CFAP251: variants seen among roughly 807,000 people sequenced by gnomAD.
CFAP251 encodes the protein cilia- and flagella-associated protein 251.
In CFAP251, 93 loss-of-function variants were observed where a neutral mutation model predicts 126.7. That is an observed-to-expected ratio of 0.73 (90% confidence interval 0.62 to 0.87). CFAP251 has a LOEUF of 0.87. CFAP251 is among the 40% of genes least tolerant of loss of function. The probability of loss-of-function intolerance (pLI) is 0.00; values close to 1 mark genes in which losing one functional copy is unlikely to be tolerated. For synonymous variants in CFAP251, 503 were observed against 506.9 expected, an observed-to-expected ratio of 0.99 and a Z score of 0.10; for missense variants, 1,287 against 1,389.2, an observed-to-expected ratio of 0.93 and a Z score of 1.17.
intron 19 of CFAP251, among the ~76,000 whole-genome samples, chr12:121,993,692 G>A (rs1270846983): frequency 2.8e-5 from 4 of 142,550 alleles, no homozygotes; most frequent in East Asian, 2.3e-4. Flanking sequence ...GTCTCTGCCC[G>A]GCCGCCCCGT....
chr12:121,989,562 C>T lies in CFAP251; in HGVS notation c.3007-10154C>T, dbSNP rs1882827289. ...CAGTGACGCTGCCCAGCCCTTACGC[C>T]CCCTCCTCAGCCCACTACTCCCTGC... On this transcript the variant is annotated intron_variant, in intron 19 of 21. Coordinates refer to ENST00000288912, the MANE Select transcript of CFAP251 (RefSeq NM_144668.6). The surrounding 1 kb of genome is among the most constrained non-coding windows in gnomAD (Gnocchi z 4.2). Among the ~76,000 whole-genome samples the T allele has an allele frequency of 1.3e-5, 2 of 152,222 alleles. No individual in the cohort carries two copies. The highest frequency in any genetic ancestry group is 2.1e-4 in the South Asian group (1 of 4,838).
chr12:121,960,978 C>T (rs1881912779), intron 14 of CFAP251, among the ~76,000 whole-genome samples: 2 of 152,202 alleles, frequency 1.3e-5, no homozygotes, highest in Non-Finnish European at 2.9e-5. Flanking sequence ...GCTTCCCGGG[C>T]AGCAACAAGT....
At position 121,992,500 on chromosome 12, in the gene CFAP251, A is replaced by C. The variant is rs946751697; in HGVS notation, c.3007-7216A>C. On this transcript the variant is annotated intron_variant, in intron 19 of 21. Coordinates refer to ENST00000288912, the MANE Select transcript of CFAP251 (RefSeq NM_144668.6). ...CCTTATGAATTCCTTTTGTCGTCTT[A>C]GTCTCCTGTTCTGAACTGAGTTAAA... The C allele has an allele frequency of 9.1e-6, 9 of 985,156 alleles. No individual in the cohort carries two copies. In the East Asian group the frequency reaches 6.8e-4, roughly 74 times the overall value. The allele number at this position is 985,156 out of a possible 1,614,324, so 61.0% of individuals were successfully genotyped here. A position where few individuals can be genotyped will look rare whatever the true frequency, so the allele number is the denominator to read the frequency against.
rs145409940 is a variant in CFAP251 at position 121,972,143 on chromosome 12, G to A, written c.2772-3101G>A. 1,056 of 159,010 alleles carry A rather than the reference G, an allele frequency of 6.6e-3. 9 individuals are homozygous for A. The highest frequency in any genetic ancestry group is 0.011 in the Non-Finnish European group (816 of 72,626). The allele number at this position is 159,010 out of a possible 1,614,324, so 9.8% of individuals were successfully genotyped here. On this transcript the variant is annotated intron_variant, in intron 17 of 21. Transcript: ENST00000288912. ...TATAGTACATTGGTACCAGTAGAAT[G>A]GGGCACTGCTGAAAAGATATCTGAA... is the stretch of plus-strand genomic sequence containing the variant.
intron 3 of CFAP251, 68 bp from the exon 4 acceptor site, chr12:121,931,678 G>A (rs1880696684): frequency 1.4e-6 from 2 of 1,383,870 alleles, no homozygotes; most frequent in Admixed American, 3.0e-5. Context: ...CCTCCGGCGA[G>A]TTCCTGGAGC....
intron 10 of CFAP251, among the ~76,000 whole-genome samples, chr12:121,954,665 A>AAAAAAAAAAAC (rs1310700870): frequency 6.7e-6 from 1 of 148,440 alleles, no homozygotes. Flanking sequence ...AAAAAAAAAA[A>AAAAAAAAAAAC]AAACCTCTTT....
At chr12:121,928,636 ACGT>A (rs1880519836) in intron 3 of CFAP251, among the ~76,000 whole-genome samples, 1 of 107,304 alleles carries the variant, frequency 9.3e-6, no homozygotes, top group Non-Finnish European at 1.6e-5. Context: ...GTATATATAT[ACGT>A]ATATATATAT....
chr12:121,919,432 C>T (rs1284523191), intron 1 of CFAP251, among the ~76,000 whole-genome samples: 2 of 152,096 alleles, frequency 1.3e-5, no homozygotes, highest in Non-Finnish European at 2.9e-5. Flanking sequence ...CATTTCTTTG[C>T]ACATTAGGGT....
At chr12:121,963,783 C>G (rs544155341) in intron 15 of CFAP251, among the ~76,000 whole-genome samples, 107 of 151,352 alleles carry the variant, frequency 7.1e-4, no homozygotes, top group Non-Finnish European at 1.3e-3. Context: ...TGTGACTTGT[C>G]CAAGGTCAAA....
rs750789869 is a variant in CFAP251 at position 121,967,118 on chromosome 12, G to A, written c.2607+49G>A. On this transcript the variant is annotated intron_variant, in intron 16 of 21. Coordinates refer to ENST00000288912, the MANE Select transcript of CFAP251 (RefSeq NM_144668.6). Reference sequence around the variant, plus strand: ...TCTGGGAGTTGACTCTGTGTGTCATGAGCAGCAGTCATTACTGAAGATCAC... The same window carrying A: ...TCTGGGAGTTGACTCTGTGTGTCATAAGCAGCAGTCATTACTGAAGATCAC... The A allele has an allele frequency of 4.6e-6, 7 of 1,529,244 alleles. No individual in the cohort carries two copies. In the African/African-American group the frequency reaches 9.6e-5, roughly 21 times the overall value. The allele number at this position is 1,529,244 out of a possible 1,614,324, so 94.7% of individuals were successfully genotyped here. A position where few individuals can be genotyped will look rare whatever the true frequency, so the allele number is the denominator to read the frequency against.
rs1881898058 is a variant in CFAP251, at chr12:121,960,576, C to T, written c.2134-9C>T. ...ATGGGATAACTCCTTCTCTTTTGCT[C>T]ATCTTCAGGATAGAAGTTTTACTGT... On this transcript the variant is annotated splice_polypyrimidine_tract_variant and intron_variant, in intron 13 of 21. Coordinates refer to ENST00000288912, the MANE Select transcript of CFAP251 (RefSeq NM_144668.6). 1 of 1,613,690 alleles carries T rather than the reference C, an allele frequency of 6.2e-7. No individual in the cohort carries two copies. Among genetic ancestry groups the T allele is most frequent in the Non-Finnish European group, 8.5e-7 (1 of 1,179,778 alleles).
chr12:121,923,555 T>C, intron 2 of CFAP251, 67 bp from the exon 3 acceptor site: 1 of 1,524,046 alleles, frequency 6.6e-7, no homozygotes, highest in African/African-American at 1.4e-5. Flanking sequence ...TGACTGGGAA[T>C]AGAAAAGGTG....
chr12:121,918,955 G>T lies in CFAP251; in HGVS notation c.-21+260G>T, dbSNP rs969719612. Among the ~76,000 whole-genome samples, 1 of 152,128 alleles carries T rather than the reference G, an allele frequency of 6.6e-6. No homozygotes were observed. Among genetic ancestry groups the T allele is most frequent in the Non-Finnish European group, 1.5e-5 (1 of 68,020 alleles). The stretch of plus-strand genomic sequence containing the variant: ...TGTCCAGACGCGCCGGCGAAGTTGG[G>T]CTCAGTCAAAAGAGGCTCGGTGGTG... On this transcript the variant is annotated intron_variant, in intron 1 of 21. Transcript: ENST00000288912. This position sits in a 1 kb window ranked among gnomAD's most constrained non-coding sequence, Gnocchi z 4.3.
intron 13 of CFAP251, 98 bp from the exon 14 acceptor site, chr12:121,960,487 G>C: frequency 7.3e-7 from 1 of 1,367,968 alleles, no homozygotes; most frequent in Non-Finnish European, 1.0e-6. Flanking sequence ...CAAAGTGCTG[G>C]GATTACAGGC....
At chr12:121,964,028 C>A (rs1281663204) in intron 15 of CFAP251, among the ~76,000 whole-genome samples, 2 of 152,096 alleles carry the variant, frequency 1.3e-5, no homozygotes, top group Admixed American at 6.5e-5. Context: ...ACTGCCACCA[C>A]CACCAGGAGA....
rs746010935 is a variant in CFAP251, at chr12:121,960,628, A to G, written c.2177A>G (p.Asn726Ser). The G allele has an allele frequency of 6.8e-6, 11 of 1,614,152 alleles. No homozygotes were observed. Among genetic ancestry groups the G allele is most frequent in the South Asian group, 4.4e-5 (4 of 91,074 alleles). Residue 726 changes from asparagine (N) to serine (S), a missense_variant, in exon 14 of 22, where the codon AAT becomes AGT. Physicochemically the swap from Asn to Ser is conservative, Grantham distance 46 (BLOSUM62 1). Coordinates refer to ENST00000288912, the MANE Select transcript of CFAP251 (RefSeq NM_144668.6). ...TVAVYMLVVR[N>S]GQRVWEYLAR... ...GCTGTTTACATGCTGGTGGTCAGAA[A>G]TGGACAGAGGGTCTGGGAGTACTTA...
At chr12:121,966,423 G>T (rs12829688) in intron 15 of CFAP251, among the ~76,000 whole-genome samples, 42,789 of 112,030 alleles carry the variant, frequency 0.38, 9,605 homozygotes, top group Non-Finnish European at 0.53. Context: ...ACTATGCCTG[G>T]CTAATTTTTT....
intron 5 of CFAP251, among the ~76,000 whole-genome samples, chr12:121,939,029 G>GCA (rs1415378499): frequency 6.6e-5 from 10 of 151,916 alleles, no homozygotes; most frequent in Non-Finnish European, 1.0e-4. Context: ...TTCATGGAAA[G>GCA]CACTGGCTGC....
At chr12:121,937,761 G>A (rs1880949123) in intron 5 of CFAP251, among the ~76,000 whole-genome samples, 1 of 152,070 alleles carries the variant, frequency 6.6e-6, no homozygotes, top group African/African-American at 2.4e-5. Flanking sequence ...TGACCTCCAG[G>A]GGATCTCATT....
Sources: allele counts gnomAD v4.1 joint callset (sites outside exome capture counted in the v4.1 genomes callset), GRCh38; gene constraint gnomAD v4.1.1; non-coding constraint Gnocchi (gnomAD v3.1); transcripts MANE v1.5; gene names NCBI Gene and HGNC (gene_info 2026-07-23, HGNC 2026-07-21).